Variants in ZNF26 observed in about 807,000 individuals in gnomAD.
The protein encoded by ZNF26 is epididymis luminal protein 179.
ZNF26 carries 32 observed loss-of-function variants against 54.9 expected under a neutral mutation model. The ratio of observed to expected loss-of-function variants is 0.58; its 90% CI spans 0.44 to 0.78. The LOEUF is 0.78. ZNF26 is among the 30% of genes least tolerant of loss of function. The pLI is 0.00. For missense variants in ZNF26, 524 were observed against 634.0 expected, an observed-to-expected ratio of 0.83 and a Z score of 1.86; for synonymous variants, 221 against 209.2, an observed-to-expected ratio of 1.06 and a Z score of -0.49.
rs1426443983 is a variant in ZNF26 at position 133,015,438 on chromosome 12, C to T, written c.*3957C>T. 3 of 151,248 alleles carry T rather than the reference C, an allele frequency of 2.0e-5. No individual in the cohort carries two copies. The highest frequency in any genetic ancestry group is 3.9e-4 in the East Asian group (2 of 5,146). The allele number at this position is 151,248 out of a possible 1,614,324, so 9.4% of individuals were successfully genotyped here. On this transcript the variant is annotated 3_prime_UTR_variant, in exon 4 of 4. Transcript: ENST00000328654. ...TCCTAACTGTGGCATGTATCTATGT[C>T]TTCACTTGCATCGGCCTCAATTATC...
intron 1 of ZNF26, chr12:132,987,742 C>G: frequency 1.0e-6 from 1 of 985,280 alleles, no homozygotes; most frequent in Non-Finnish European, 1.2e-6. Context: ...CAGAGTGTGA[C>G]CAACTGGAAC....
Position 133,024,800 on chromosome 12 carries a change from G to A in ZNF26, c.*13319G>A, listed in dbSNP as rs1953681179. ...AGGTCCCACAAAAGGCCCACTGAGA[G>A]CCCATAGTAGAGAAAGTCTTATTAA... On this transcript the variant is annotated 3_prime_UTR_variant, in exon 4 of 4. Transcript: ENST00000328654. 1 of 152,118 alleles carries A rather than the reference G, an allele frequency of 6.6e-6. No individual in the cohort carries two copies. The highest frequency in any genetic ancestry group is 1.5e-5 in the Non-Finnish European group (1 of 68,018). 9.4% of individuals were successfully genotyped at this position (152,118 alleles called of 1,614,324 possible).
chr12:132,987,617 C>T, intron 1 of ZNF26: 1 of 798,132 alleles, frequency 1.3e-6, no homozygotes, highest in African/African-American at 1.9e-5. Context: ...AAGAGGGACC[C>T]TGGGAATGAC....
chr12:132,997,577 A>G (rs1359794070), intron 1 of ZNF26, among the ~76,000 whole-genome samples: 1 of 152,196 alleles, frequency 6.6e-6, no homozygotes, highest in African/African-American at 2.4e-5. Flanking sequence ...CCTCCCCTGA[A>G]CGTTAGGTAG....
chr12:133,009,942 C>T (rs1245212462), intron 3 of ZNF26, among the ~76,000 whole-genome samples, 194 bp from the exon 4 acceptor site: 4 of 152,144 alleles, frequency 2.6e-5, no homozygotes, highest in Non-Finnish European at 5.9e-5. Flanking sequence ...CCAGTTTTCA[C>T]GACGGGACCT....
chr12:133,009,284 T>C (rs918560776), intron 3 of ZNF26, among the ~76,000 whole-genome samples: 43 of 152,300 alleles, frequency 2.8e-4, no homozygotes, highest in African/African-American at 8.7e-4. Context: ...TGCAGAAGAT[T>C]GAGATTTTCT....
In ZNF26 at chr12:133,007,433, A is replaced by G; in HGVS notation, c.161-4A>G. 6.2e-7 allele frequency: 1 copy of G among 1,610,994 alleles called. No individual in the cohort carries two copies. The highest frequency in any genetic ancestry group is 1.1e-5 in the South Asian group (1 of 90,650). Reference sequence around the variant, plus strand: ...CCCCACCCTTTGTGATTTCCCATCAACAGGGTATCATGGTACCAAGCCTGA... The same window carrying G: ...CCCCACCCTTTGTGATTTCCCATCAGCAGGGTATCATGGTACCAAGCCTGA... On this transcript the variant is annotated splice_region_variant and splice_polypyrimidine_tract_variant and intron_variant, in intron 2 of 3. Transcript: ENST00000328654.
Position 133,020,684 on chromosome 12 carries a change from C to T in ZNF26, c.*9203C>T, listed in dbSNP as rs1275727147. On this transcript the variant is annotated 3_prime_UTR_variant, in exon 4 of 4. Transcript: ENST00000328654. ...GACTGTCGTAACAAAGAACCACAAA[C>T]TGGATGGCTTAAACAACACAGATAT... 2 of 152,172 alleles carry T rather than the reference C, an allele frequency of 1.3e-5. No homozygotes were observed. Among genetic ancestry groups the T allele is most frequent in the African/African-American group, 4.8e-5 (2 of 41,440 alleles). The allele number at this position is 152,172 out of a possible 1,614,324, so 9.4% of individuals were successfully genotyped here.
intron 1 of ZNF26, among the ~76,000 whole-genome samples, chr12:133,000,615 A>T (rs777037308): frequency 2.0e-5 from 3 of 152,020 alleles, no homozygotes. Flanking sequence ...CTGTAGAGAC[A>T]GGGTTTCACC....
intron 1 of ZNF26, among the ~76,000 whole-genome samples, chr12:132,995,850 C>G (rs1036307034): frequency 6.6e-6 from 1 of 152,130 alleles, no homozygotes; most frequent in Non-Finnish European, 1.5e-5. Flanking sequence ...CGGGATTTCA[C>G]CATGTTGGTC....
In ZNF26 at chr12:133,014,532, T is replaced by TG. The variant is rs1953537549; in HGVS notation, c.*3051_*3052insG. On this transcript the variant is annotated 3_prime_UTR_variant, in exon 4 of 4. Coordinates refer to ENST00000328654, the MANE Select transcript of ZNF26 (RefSeq NM_019591.4). ...TGATGATGGTTTTGCTTTCTGTTTT[T>TG]TTTTTTGTTTTGTTTTGTTTTTTTT... 1.3e-5 allele frequency: 2 copies of TG among 151,616 alleles called. No homozygotes were observed. The highest frequency in any genetic ancestry group is 6.6e-5 in the Admixed American group (1 of 15,236). The allele number at this position is 151,616 out of a possible 1,614,324, so 9.4% of individuals were successfully genotyped here.
At chr12:132,998,737 C>G (rs1953146303) in intron 1 of ZNF26, among the ~76,000 whole-genome samples, 1 of 152,184 alleles carries the variant, frequency 6.6e-6, no homozygotes, top group African/African-American at 2.4e-5. Context: ...CTAAATTTCT[C>G]AAAGCAGCCT....
intron 1 of ZNF26, among the ~76,000 whole-genome samples, chr12:132,996,140 C>A (rs1169322815): frequency 2.6e-5 from 4 of 152,144 alleles, no homozygotes; most frequent in Non-Finnish European, 4.4e-5. Flanking sequence ...TCTGGAGCAC[C>A]TTGAGGCTGC....
At chr12:132,997,046 G>A (rs974026846) in intron 1 of ZNF26, among the ~76,000 whole-genome samples, 10 of 152,248 alleles carry the variant, frequency 6.6e-5, no homozygotes, top group African/African-American at 2.2e-4. Context: ...AGACCGTAGG[G>A]AGGGGTGGTT....
At chr12:132,995,361 G>A (rs1265197743) in intron 1 of ZNF26, 1 of 151,024 alleles carries the variant, frequency 6.6e-6, no homozygotes, top group African/African-American at 2.4e-5. Context: ...CTCATTTCAG[G>A]GATCAGTTGT....
rs796111535 is a variant in ZNF26 at position 133,024,349 on chromosome 12, C to CT, written c.*12874dup. ...TTATTGAAACATGGAGAAAATGAGA[C>CT]TTTTTTATGTAGTGACAGGTGTATC... On this transcript the variant is annotated 3_prime_UTR_variant, in exon 4 of 4. Coordinates refer to ENST00000328654, the MANE Select transcript of ZNF26 (RefSeq NM_019591.4). 1 of 152,252 alleles carries CT rather than the reference C, an allele frequency of 6.6e-6. No homozygotes were observed. Among genetic ancestry groups the CT allele is most frequent in the Non-Finnish European group, 1.5e-5 (1 of 68,028 alleles). 9.4% of individuals were successfully genotyped at this position (152,252 alleles called of 1,614,324 possible). A position where few individuals can be genotyped will look rare whatever the true frequency, so the allele number is the denominator to read the frequency against.
Position 133,007,148 on chromosome 12 carries a change from A to G in ZNF26, c.140A>G (p.Tyr47Cys). ...TACAGAGATGTGATATTGGAAAACTATCATAACCTGATATCAGTGGGTAAG... is the reference window on the plus strand; with the variant it reads ...TACAGAGATGTGATATTGGAAAACTGTCATAACCTGATATCAGTGGGTAAG... Reference protein sequence around the residue: ...YLYRDVILENYHNLISVGYHG... With the variant: ...YLYRDVILENCHNLISVGYHG... Residue 47 changes from tyrosine (Y) to cysteine (C), a missense_variant, in exon 2 of 4, where the codon TAT becomes TGT. Tyr to Cys is a radical substitution (Grantham distance 194). Transcript: ENST00000328654. The G allele has an allele frequency of 6.2e-7, 1 of 1,614,218 alleles. No individual in the cohort carries two copies. Among genetic ancestry groups the G allele is most frequent in the Non-Finnish European group, 8.5e-7 (1 of 1,180,016 alleles).
rs2137251893 is a variant in ZNF26 at position 133,007,169 on chromosome 12, G to A, written c.160+1G>A. On this transcript the variant is annotated splice_donor_variant, in intron 2 of 3. Transcript: ENST00000328654. LOFTEE classifies it high-confidence loss of function. ...AACTATCATAACCTGATATCAGTGG[G>A]TAAGTACTGCGTCTCAATGTTACTC... The A allele has an allele frequency of 9.3e-6, 15 of 1,613,788 alleles. No homozygotes were observed. The highest frequency in any genetic ancestry group is 1.3e-5 in the African/African-American group (1 of 75,044).
intron 3 of ZNF26, 138 bp downstream of exon 3, chr12:133,007,670 A>G: frequency 1.7e-6 from 1 of 586,896 alleles, no homozygotes; most frequent in Non-Finnish European, 3.0e-6. Context: ...GGATGAAGCC[A>G]GGAGCTCCTC....
Sources: allele counts gnomAD v4.1 joint callset (sites outside exome capture counted in the v4.1 genomes callset), GRCh38; gene constraint gnomAD v4.1.1; transcripts MANE v1.5; gene names NCBI Gene and HGNC (gene_info 2026-07-23, HGNC 2026-07-21).